The following FMN1 variants were observed in gnomAD, a reference collection of about 807,000 sequenced individuals.
The protein encoded by FMN1 is formin 1.
Under a neutral mutation model 132.4 loss-of-function variants are expected in FMN1, and 110 were observed. The ratio of observed to expected loss-of-function variants is 0.83; its 90% confidence interval spans 0.71 to 0.97. FMN1 has a LOEUF of 0.97. Among genes scored for constraint, FMN1 ranks in the 50% least tolerant of loss-of-function variants. The probability of loss-of-function intolerance (pLI) is 0.00; values close to 1 mark genes in which losing one functional copy is unlikely to be tolerated. For synonymous variants in FMN1, 722 were observed against 651.7 expected, an observed-to-expected ratio of 1.11 and a Z score of -1.64; for missense variants, 1,792 against 1,705.3, an observed-to-expected ratio of 1.05 and a Z score of -0.90.
At chr15:32,937,298 T>C (rs13379988) in intron 9 of FMN1, among the ~76,000 whole-genome samples, 3,058 of 152,282 alleles carry the variant, frequency 0.02, 95 homozygotes, top group African/African-American at 0.066. Context: ...GTCTTCTCTC[T>C]CCCTCCCAAA....
chr15:32,901,317 C>T (rs1028884649), intron 13 of FMN1, among the ~76,000 whole-genome samples: 5 of 151,710 alleles, frequency 3.3e-5, no homozygotes, highest in Non-Finnish European at 7.4e-5. Context: ...AAAATCATTT[C>T]TCCAAATAAG....
chr15:32,858,778 CATT>C (rs1052124794), intron 16 of FMN1, among the ~76,000 whole-genome samples: 1 of 152,174 alleles, frequency 6.6e-6, no homozygotes, highest in African/African-American at 2.4e-5. Context: ...ATTTTTTCCA[CATT>C]TTTTTCCTTT....
intron 5 of FMN1, among the ~76,000 whole-genome samples, chr15:33,081,025 G>A (rs140573958): frequency 2.0e-5 from 3 of 152,262 alleles, no homozygotes; most frequent in Non-Finnish European, 4.4e-5. Context: ...TACCAGATGT[G>A]GCAATAACTC....
intron 4 of FMN1, among the ~76,000 whole-genome samples, chr15:33,138,387 G>A (rs1963863406): frequency 6.6e-6 from 1 of 151,908 alleles, no homozygotes; most frequent in South Asian, 2.1e-4. Flanking sequence ...CTTCCCTTTT[G>A]CTAATGCAAT....
chr15:33,164,530 C>T (rs1229660504), intron 3 of FMN1, among the ~76,000 whole-genome samples: 2 of 152,130 alleles, frequency 1.3e-5, no homozygotes, highest in Non-Finnish European at 2.9e-5. Flanking sequence ...CACACAGATA[C>T]CCAGATATGT....
At chr15:32,802,363 T>C (rs1386211049) in intron 18 of FMN1, among the ~76,000 whole-genome samples, 1 of 152,238 alleles carries the variant, frequency 6.6e-6, no homozygotes, top group Non-Finnish European at 1.5e-5. Flanking sequence ...CTTACATGCA[T>C]GCCTTCAGAA....
intron 2 of FMN1, among the ~76,000 whole-genome samples, chr15:33,182,510 A>G (rs1965739475): frequency 6.6e-6 from 1 of 152,188 alleles, no homozygotes; most frequent in African/African-American, 2.4e-5. Context: ...TCACCTACTC[A>G]GTGGGAAGAT....
At chr15:33,128,205 C>G (rs1020241733) in intron 4 of FMN1, among the ~76,000 whole-genome samples, 12 of 152,196 alleles carry the variant, frequency 7.9e-5, no homozygotes, top group African/African-American at 2.6e-4. Context: ...GGAAAAAAAG[C>G]AAAAAGCAGA....
intron 4 of FMN1, among the ~76,000 whole-genome samples, chr15:33,128,353 G>A (rs1353216296): frequency 1.3e-5 from 2 of 152,086 alleles, no homozygotes; most frequent in South Asian, 4.1e-4. Context: ...GATCCTTGAC[G>A]ATCTCAAGGA....
intron 4 of FMN1, among the ~76,000 whole-genome samples, chr15:33,125,898 A>G (rs898749147): frequency 2.0e-5 from 3 of 152,208 alleles, no homozygotes; most frequent in African/African-American, 7.2e-5. Context: ...GCTATAGCCT[A>G]TTGAAAAGTG....
At chr15:32,823,198 A>G (rs562539915) in intron 17 of FMN1, among the ~76,000 whole-genome samples, 7 of 120,462 alleles carry the variant, frequency 5.8e-5, no homozygotes, top group South Asian at 2.5e-4. Flanking sequence ...GTCTTGCTCT[A>G]TCACCCAGGC....
chr15:33,101,061 C>G (rs1390007510), intron 4 of FMN1, among the ~76,000 whole-genome samples: 2 of 152,074 alleles, frequency 1.3e-5, no homozygotes, highest in Middle Eastern at 3.4e-3. Flanking sequence ...AATGGACTTT[C>G]TAAATTTCAT....
intron 9 of FMN1, among the ~76,000 whole-genome samples, chr15:32,963,275 T>C (rs2030798798): frequency 6.9e-6 from 1 of 144,442 alleles, no homozygotes; most frequent in Non-Finnish European, 1.5e-5. Context: ...TTCTCACTCA[T>C]AGGTGGATAC....
rs1428012994 is a variant in FMN1, at chr15:33,122,451, G to C, written c.1867+30597C>G. Among the ~76,000 whole-genome samples the C allele has an allele frequency of 2.6e-5, 4 of 152,296 alleles. No homozygotes were observed. In the South Asian group the frequency reaches 8.3e-4, roughly 32 times the overall value. Reference sequence around the variant, plus strand: ...TTTTATAAAATTAGTATTGGCTTTAGACAGTACACATTGGCTCATCCTTTT... The same window carrying C: ...TTTTATAAAATTAGTATTGGCTTTACACAGTACACATTGGCTCATCCTTTT... On this transcript the variant is annotated intron_variant, in intron 4 of 20. Transcript: ENST00000616417.
rs1444003429 is a variant in FMN1 at position 33,065,030 on chromosome 15, T to TCTGCC, written c.2083_2087dup (p.Leu697AlafsTer21). On this transcript the variant is annotated frameshift_variant, in exon 6 of 21. Transcript: ENST00000616417. LOFTEE classifies it high-confidence loss of function. ...TTGGGGGTGGCCAGACAGCTTGAAG[T>TCTGCC]CTGCCAGGAGTCCTGTCATCCTGCT... 8 of 1,611,960 alleles carry TCTGCC rather than the reference T, an allele frequency of 5.0e-6. No homozygotes were observed. The highest frequency in any genetic ancestry group is 6.8e-6 in the Non-Finnish European group (8 of 1,179,030).
rs532564788 is a variant in FMN1, at chr15:32,802,207, A to G, written c.3980+2074T>C. On this transcript the variant is annotated intron_variant, in intron 18 of 20. Transcript: ENST00000616417. ...GTCCCTGACCCCTTTTCTCTCTGCTATAATTCCCTGTCTGATTTGTATCTT... is the reference window on the plus strand; with the variant it reads ...GTCCCTGACCCCTTTTCTCTCTGCTGTAATTCCCTGTCTGATTTGTATCTT... Among the ~76,000 whole-genome samples, 112 of 152,332 alleles carry G rather than the reference A, an allele frequency of 7.4e-4. 1 individual carries two copies. In the South Asian group the frequency reaches 0.021, roughly 29 times the overall value.
chr15:33,097,245 A>G (rs1236576984), intron 4 of FMN1, among the ~76,000 whole-genome samples: 4 of 151,698 alleles, frequency 2.6e-5, no homozygotes, highest in African/African-American at 4.8e-5. Flanking sequence ...TTGAGGCTGC[A>G]GTGAGCCAAG....
At chr15:32,940,524 G>A (rs1186222491) in intron 9 of FMN1, among the ~76,000 whole-genome samples, 1 of 151,894 alleles carries the variant, frequency 6.6e-6, no homozygotes, top group Non-Finnish European at 1.5e-5. Context: ...TAACTTAAAA[G>A]AGTTTGTAAT....
intron 4 of FMN1, among the ~76,000 whole-genome samples, chr15:33,102,152 G>T (rs1457017602): frequency 4.6e-5 from 7 of 152,196 alleles, no homozygotes; most frequent in Admixed American, 3.9e-4. Context: ...TATTTTATGT[G>T]TATCTGCTTT....
Sources: allele counts gnomAD v4.1 joint callset (sites outside exome capture counted in the v4.1 genomes callset), GRCh38; gene constraint gnomAD v4.1.1; transcripts MANE v1.5; gene names NCBI Gene and HGNC (gene_info 2026-07-23, HGNC 2026-07-21).